The following DDC variants were observed in gnomAD, a reference collection of about 807,000 sequenced individuals.
DDC encodes dopa decarboxylase, also known as aromatic-L-amino-acid decarboxylase.
A neutral mutation model predicts 60.0 loss-of-function variants in DDC; 43 were observed. That is an observed-to-expected ratio of 0.72 (90% CI 0.56 to 0.92). The LOEUF is 0.92. Among genes scored for constraint, DDC ranks in the 40% least tolerant of loss-of-function variants. The pLI, the probability that DDC is intolerant of heterozygous loss-of-function variation, is 0.00. For synonymous variants in DDC, 232 were observed against 234.6 expected (o/e 0.99, Z 0.10); for missense variants, 573 against 620.2 (o/e 0.92, Z 0.81).
intron 9 of DDC, among the ~76,000 whole-genome samples, chr7:50,480,832 T>C (rs2042751905): frequency 6.6e-6 from 1 of 152,166 alleles, no homozygotes; most frequent in Non-Finnish European, 1.5e-5. Flanking sequence ...CAGGATGCCC[T>C]GGGCTGCAGA....
At chr7:50,558,131 C>T (rs928304467) in intron 1 of DDC, among the ~76,000 whole-genome samples, 2 of 150,286 alleles carry the variant, frequency 1.3e-5, no homozygotes, top group African/African-American at 4.9e-5. Flanking sequence ...TTCCCCCTTT[C>T]TCTTGCAGTC....
chr7:50,494,722 C>T (rs1174398021), intron 9 of DDC, among the ~76,000 whole-genome samples: 1 of 151,888 alleles, frequency 6.6e-6, no homozygotes, highest in African/African-American at 2.4e-5. Flanking sequence ...ATTGCAGTGG[C>T]ATGATCTCGG....
At chr7:50,555,685 C>T (rs770282257) in intron 1 of DDC, among the ~76,000 whole-genome samples, 2 of 152,160 alleles carry the variant, frequency 1.3e-5, no homozygotes, top group Admixed American at 6.5e-5. Context: ...CCAAGAACCA[C>T]GTTAAGCTCT....
Position 50,549,448 on chromosome 7 carries a change from C to T in DDC, c.-28-5335G>A, listed in dbSNP as rs560940702. On this transcript the variant is annotated intron_variant, in intron 1 of 14. Transcript: ENST00000444124. ...CGGGTGGATCACGAGGTCAGGAGAT[C>T]GAGACCATCCTGGCTAACACGGTGA... 1.2e-4 allele frequency among the ~76,000 whole-genome samples: 19 copies of T among 152,160 alleles called. No homozygotes were observed. The East Asian group carries it at 3.1e-3, about 25-fold the overall frequency.
At chr7:50,538,055 T>C in intron 3 of DDC, 76 bp from the exon 4 acceptor site, 1 of 1,568,736 alleles carries the variant, frequency 6.4e-7, no homozygotes, top group Non-Finnish European at 8.8e-7. Context: ...AACAAGGGGA[T>C]TTAACCTTCC....
intron 13 of DDC, among the ~76,000 whole-genome samples, chr7:50,465,738 A>G (rs145051493): frequency 2.6e-4 from 39 of 152,384 alleles, no homozygotes; most frequent in Non-Finnish European, 5.0e-4. Context: ...AATAGAATAT[A>G]AAAGTCCTAG....
At chr7:50,463,021 G>A (rs997618912) in intron 14 of DDC, among the ~76,000 whole-genome samples, 192 bp downstream of exon 14, 2 of 152,140 alleles carry the variant, frequency 1.3e-5, no homozygotes, top group South Asian at 4.1e-4. Flanking sequence ...GCCCACCCTG[G>A]CCTCCCAAAG....
At position 50,478,048 on chromosome 7, in the gene DDC, A is replaced by T. The variant is rs1447156152; in HGVS notation, c.1022-1405T>A. Among the ~76,000 whole-genome samples the T allele has an allele frequency of 3.4e-4, 51 of 151,426 alleles. 1 individual carries two copies. In the East Asian group the frequency reaches 8.2e-3, roughly 24 times the overall value. On this transcript the variant is annotated intron_variant, in intron 10 of 14. Transcript: ENST00000444124. ...GAAACCCCGTCTCTACCAAAAAAAAAAAAAAATACAAAAAATTATCTGGGC... is the reference window on the plus strand; with the variant it reads ...GAAACCCCGTCTCTACCAAAAAAAATAAAAAATACAAAAAATTATCTGGGC...
intron 9 of DDC, among the ~76,000 whole-genome samples, chr7:50,489,183 T>C (rs563149362): frequency 7.9e-5 from 12 of 152,190 alleles, no homozygotes; most frequent in Admixed American, 5.2e-4. Flanking sequence ...ATTTTTGTAT[T>C]TGTAGTAGAG....
At chr7:50,520,837 C>T (rs1056525259) in intron 6 of DDC, among the ~76,000 whole-genome samples, 1 of 151,968 alleles carries the variant, frequency 6.6e-6, no homozygotes, top group Admixed American at 6.6e-5. Flanking sequence ...TTGCTTGAAC[C>T]TGGGAGGTGG....
intron 14 of DDC, among the ~76,000 whole-genome samples, chr7:50,460,071 C>G (rs1462250149): frequency 1.0e-4 from 15 of 145,872 alleles, no homozygotes; most frequent in Non-Finnish European, 2.1e-4. Flanking sequence ...GGGGTCAGCC[C>G]CCCGCCCGGC....
intron 6 of DDC, among the ~76,000 whole-genome samples, chr7:50,523,062 A>G (rs1563025323): frequency 6.6e-6 from 1 of 152,224 alleles, no homozygotes; most frequent in Non-Finnish European, 1.5e-5. Flanking sequence ...ACAATTCCAC[A>G]TGGATTCGGG....
chr7:50,500,229 AC>A (rs2043218557), intron 7 of DDC, among the ~76,000 whole-genome samples: 1 of 151,966 alleles, frequency 6.6e-6, no homozygotes, highest in African/African-American at 2.4e-5. Flanking sequence ...CCATGGATTC[AC>A]CGTTCACTCA....
intron 1 of DDC, among the ~76,000 whole-genome samples, chr7:50,558,662 C>T (rs991597977): frequency 6.6e-6 from 1 of 152,178 alleles, no homozygotes; most frequent in Non-Finnish European, 1.5e-5. Flanking sequence ...AGCCACACAG[C>T]CAGTAAGTGA....
chr7:50,507,782 T>G (rs1407527577), intron 6 of DDC, among the ~76,000 whole-genome samples: 1 of 152,152 alleles, frequency 6.6e-6, no homozygotes, highest in Non-Finnish European at 1.5e-5. Context: ...TGGCCTAGGT[T>G]GAGAATAGGG....
At chr7:50,521,826 A>G (rs1186674700) in intron 6 of DDC, among the ~76,000 whole-genome samples, 1 of 152,180 alleles carries the variant, frequency 6.6e-6, no homozygotes, top group East Asian at 1.9e-4. Flanking sequence ...TCTTAACATC[A>G]TACTTGATGA....
At chr7:50,555,306 G>T (rs2045146398) in intron 1 of DDC, among the ~76,000 whole-genome samples, 1 of 152,150 alleles carries the variant, frequency 6.6e-6, no homozygotes, top group East Asian at 1.9e-4. Context: ...CAAGAGATCT[G>T]TTGGAAACGA....
intron 7 of DDC, among the ~76,000 whole-genome samples, chr7:50,501,765 A>T (rs1350016072): frequency 1.3e-5 from 2 of 152,270 alleles, no homozygotes; most frequent in African/African-American, 4.8e-5. Context: ...TTAGTAATAT[A>T]ACACCATCAA....
intron 6 of DDC, among the ~76,000 whole-genome samples, chr7:50,513,679 G>A (rs1267488834): frequency 2.6e-5 from 4 of 152,080 alleles, no homozygotes; most frequent in Non-Finnish European, 5.9e-5. Flanking sequence ...TGTGGGAGCT[G>A]GGTGAGGGCT....
Sources: gnomAD v4.1 joint callset for allele counts (sites outside exome capture counted in the v4.1 genomes callset) on GRCh38, gnomAD v4.1.1 for gene constraint, MANE v1.5 for transcripts, NCBI Gene and HGNC (gene_info 2026-07-23, HGNC 2026-07-21) for gene names.